WWOX: variants seen among roughly 807,000 people sequenced by gnomAD.
WWOX encodes WW domain-containing oxidoreductase.
Under a neutral mutation model 46.2 loss-of-function variants are expected in WWOX, and 69 were observed. The observed-to-expected ratio is 1.49, with a 90% CI of 1.23 to 1.82. The LOEUF (loss-of-function observed/expected upper bound fraction) is 1.82, where lower values mean the gene tolerates loss of function less well. WWOX is among the 40% of genes most tolerant of loss of function. WWOX has a pLI of 0.00. For synonymous variants in WWOX, 359 were observed against 202.6 expected, an observed-to-expected ratio of 1.77 and a Z score of -6.56; for missense variants, 919 against 542.6, an observed-to-expected ratio of 1.69 and a Z score of -6.89.
intron 8 of WWOX, among the ~76,000 whole-genome samples, chr16:78,558,243 T>C (rs900090002): frequency 6.6e-6 from 1 of 152,198 alleles, no homozygotes; most frequent in Admixed American, 6.5e-5. Flanking sequence ...GTAAGAAAAT[T>C]TCTAGTGCCT....
chr16:78,612,718 C>T (rs919860869), intron 8 of WWOX, among the ~76,000 whole-genome samples: 7 of 152,128 alleles, frequency 4.6e-5, no homozygotes, highest in African/African-American at 1.7e-4. Context: ...CTCAAGCCAT[C>T]CTCCAGCCTC....
At chr16:78,948,542 G>C (rs1232726810) in intron 8 of WWOX, among the ~76,000 whole-genome samples, 3 of 152,216 alleles carry the variant, frequency 2.0e-5, no homozygotes, top group Admixed American at 6.5e-5. Flanking sequence ...CTGATTGGTA[G>C]GTGCCCATGA....
intron 8 of WWOX, among the ~76,000 whole-genome samples, chr16:79,196,730 A>T (rs1309832960): frequency 6.6e-6 from 1 of 150,968 alleles, no homozygotes; most frequent in African/African-American, 2.4e-5. Flanking sequence ...TTTTTTTTTT[A>T]GGGGGAGCCA....
intron 8 of WWOX, among the ~76,000 whole-genome samples, chr16:78,548,152 CAAAAAAAA>C (rs11320544): frequency 1.8e-4 from 6 of 34,270 alleles, no homozygotes; most frequent in African/African-American, 4.1e-4. Flanking sequence ...AAGACTGTCT[CAAAAAAAA>C]AAAAAAAAAA....
chr16:78,511,146 C>A (rs2085350509), intron 8 of WWOX, among the ~76,000 whole-genome samples: 1 of 152,174 alleles, frequency 6.6e-6, no homozygotes, highest in Admixed American at 6.5e-5. Flanking sequence ...ATTTACAGCC[C>A]TTGCAACCGC....
intron 8 of WWOX, among the ~76,000 whole-genome samples, chr16:78,541,562 T>C (rs566665187): frequency 6.0e-5 from 9 of 151,052 alleles, no homozygotes; most frequent in Admixed American, 5.9e-4. Flanking sequence ...CTACAGTGCT[T>C]GTCTCTGGAT....
At chr16:78,768,621 T>A (rs570990015) in intron 8 of WWOX, among the ~76,000 whole-genome samples, 1 of 151,954 alleles carries the variant, frequency 6.6e-6, no homozygotes, top group East Asian at 1.9e-4. Flanking sequence ...CTTTGGAGCT[T>A]CCTAATTTCT....
chr16:78,856,458 C>T (rs1339170590), intron 8 of WWOX, among the ~76,000 whole-genome samples: 1 of 152,150 alleles, frequency 6.6e-6, no homozygotes, highest in East Asian at 1.9e-4. Flanking sequence ...GCCTGGCCAA[C>T]ATCACAAAAC....
chr16:78,350,246 T>G (rs1421072325), intron 5 of WWOX, among the ~76,000 whole-genome samples: 1 of 121,520 alleles, frequency 8.2e-6, no homozygotes, highest in Non-Finnish European at 2.0e-5. Context: ...TAGAAATTCT[T>G]AGCGAGCTGA....
intron 6 of WWOX, among the ~76,000 whole-genome samples, chr16:78,422,130 G>A (rs562040449): frequency 3.3e-5 from 5 of 152,070 alleles, no homozygotes; most frequent in East Asian, 1.9e-4. Flanking sequence ...CACTGTTTCT[G>A]TTAGACTCTT....
intron 8 of WWOX, among the ~76,000 whole-genome samples, chr16:78,773,929 G>C (rs1438242687): frequency 6.6e-6 from 1 of 152,176 alleles, no homozygotes; most frequent in Non-Finnish European, 1.5e-5. Context: ...AGTTTTCCCA[G>C]GCCCTTCATG....
At chr16:78,409,464 C>G (rs191835068) in intron 6 of WWOX, among the ~76,000 whole-genome samples, 1 of 152,062 alleles carries the variant, frequency 6.6e-6, no homozygotes, top group African/African-American at 2.4e-5. Flanking sequence ...CAGAAATATT[C>G]TGGGTGTCGC....
intron 8 of WWOX, among the ~76,000 whole-genome samples, chr16:78,597,382 C>A (rs111245082): frequency 1.3e-5 from 2 of 152,164 alleles, no homozygotes; most frequent in African/African-American, 4.8e-5. Flanking sequence ...TACGGTGGCT[C>A]TTTACCCATT....
chr16:79,078,239 C>G (rs1264784028), intron 8 of WWOX: 1 of 152,136 alleles, frequency 6.6e-6, no homozygotes, highest in Non-Finnish European at 1.5e-5. Flanking sequence ...AGGTCTTGCT[C>G]CCTCCCTGAC....
At chr16:78,945,538 C>T (rs1452499270) in intron 8 of WWOX, among the ~76,000 whole-genome samples, 2 of 152,156 alleles carry the variant, frequency 1.3e-5, no homozygotes, top group Non-Finnish European at 2.9e-5. Flanking sequence ...TATACCCGGC[C>T]ACTTCTGCCA....
At chr16:78,634,532 C>T (rs57817377) in intron 8 of WWOX, among the ~76,000 whole-genome samples, 3,138 of 151,836 alleles carry the variant, frequency 0.021, 118 homozygotes, top group African/African-American at 0.072. Context: ...ATGGTGAAAC[C>T]CCGTCTCTAC....
chr16:78,628,425 G>A (rs1299031836), intron 8 of WWOX, among the ~76,000 whole-genome samples: 1 of 152,172 alleles, frequency 6.6e-6, no homozygotes, highest in African/African-American at 2.4e-5. Context: ...GATTGTGGGT[G>A]CCGAGAATCA....
intron 5 of WWOX, among the ~76,000 whole-genome samples, chr16:78,240,209 G>A (rs139852816): frequency 9.2e-5 from 14 of 152,188 alleles, no homozygotes; most frequent in African/African-American, 2.4e-4. Context: ...GGGCACAGTG[G>A]TGGGTGTGCC....
intron 8 of WWOX, among the ~76,000 whole-genome samples, chr16:79,198,721 T>C (rs1393014256): frequency 6.6e-6 from 1 of 152,250 alleles, no homozygotes; most frequent in African/African-American, 2.4e-5. Flanking sequence ...GCTTAACTTT[T>C]CTGGACTTTT....
Sources: gnomAD v4.1 joint callset for allele counts (sites outside exome capture counted in the v4.1 genomes callset) on GRCh38, gnomAD v4.1.1 for gene constraint, MANE v1.5 for transcripts, NCBI Gene and HGNC (gene_info 2026-07-23, HGNC 2026-07-21) for gene names.